The following DPYD variants were observed in gnomAD, a reference collection of about 807,000 sequenced individuals.
The protein encoded by DPYD is dihydropyrimidine dehydrogenase.
Under a neutral mutation model 116.2 loss-of-function variants are expected in DPYD, and 109 were observed. That is an observed-to-expected ratio of 0.94 (90% CI 0.80 to 1.10). The LOEUF is 1.10. DPYD is among the 50% of genes least tolerant of loss of function. The probability of loss-of-function intolerance (pLI) is 0.00; values close to 1 mark genes in which losing one functional copy is unlikely to be tolerated. For missense variants in DPYD, 1,302 were observed against 1,254.5 expected, an observed-to-expected ratio of 1.04 and a Z score of -0.57; for synonymous variants, 440 against 432.0, an observed-to-expected ratio of 1.02 and a Z score of -0.23.
At chr1:97,586,826 G>C (rs1334199113) in intron 10 of DPYD, among the ~76,000 whole-genome samples, 1 of 151,466 alleles carries the variant, frequency 6.6e-6, no homozygotes, top group Non-Finnish European at 1.5e-5. Context: ...TCACCAATTG[G>C]CTGGGGATAC....
intron 3 of DPYD, among the ~76,000 whole-genome samples, chr1:97,806,339 T>G (rs1445609627): frequency 6.6e-6 from 1 of 151,914 alleles, no homozygotes; most frequent in Non-Finnish European, 1.5e-5. Flanking sequence ...GTTCTTAATA[T>G]TCATCATACA....
chr1:97,742,345 A>G (rs1213274168), intron 3 of DPYD, among the ~76,000 whole-genome samples: 1 of 152,064 alleles, frequency 6.6e-6, no homozygotes. Flanking sequence ...CCTAATTAAT[A>G]TCTTGTTTTT....
intron 5 of DPYD, among the ~76,000 whole-genome samples, chr1:97,705,841 TG>T (rs1417611830): frequency 1.3e-5 from 2 of 151,950 alleles, no homozygotes; most frequent in East Asian, 3.9e-4. Flanking sequence ...TGGTGTGAGA[TG>T]GTATCTCATT....
intron 16 of DPYD, among the ~76,000 whole-genome samples, chr1:97,313,333 T>C (rs1018076128): frequency 1.3e-5 from 2 of 151,966 alleles, no homozygotes; most frequent in Non-Finnish European, 1.5e-5. Context: ...TTAGGTACTA[T>C]ATTGGATAAT....
intron 8 of DPYD, among the ~76,000 whole-genome samples, chr1:97,612,198 A>G (rs1348937740): frequency 6.6e-6 from 1 of 152,032 alleles, no homozygotes; most frequent in African/African-American, 2.4e-5. Context: ...AATGCAATAT[A>G]CTATTGTCTC....
At chr1:97,379,456 C>A (rs548719648) in intron 15 of DPYD, among the ~76,000 whole-genome samples, 1 of 152,260 alleles carries the variant, frequency 6.6e-6, no homozygotes, top group Non-Finnish European at 1.5e-5. Flanking sequence ...TACTTGTCAC[C>A]CAGGAATTTT....
chr1:97,743,357 T>C (rs1664371009), intron 3 of DPYD, among the ~76,000 whole-genome samples: 1 of 152,104 alleles, frequency 6.6e-6, no homozygotes. Flanking sequence ...CAGGCTGCCA[T>C]TAATCCCACT....
At chr1:97,709,371 T>A (rs556341768) in intron 5 of DPYD, among the ~76,000 whole-genome samples, 1 of 152,006 alleles carries the variant, frequency 6.6e-6, no homozygotes, top group Admixed American at 6.6e-5. Context: ...TACTTTTTAA[T>A]ATTTTTACTT....
intron 19 of DPYD, among the ~76,000 whole-genome samples, chr1:97,220,188 T>C (rs1660690274): frequency 6.6e-6 from 1 of 152,248 alleles, no homozygotes; most frequent in South Asian, 2.1e-4. Flanking sequence ...GAATGGATTA[T>C]TCCATTCACA....
chr1:97,082,284 A>G, intron 22 of DPYD, 46 bp downstream of exon 22: 1 of 1,612,220 alleles, frequency 6.2e-7, no homozygotes. Context: ...CGTAAAAACA[A>G]GAAGAAACAT....
At chr1:97,702,148 T>A (rs972810489) in intron 5 of DPYD, among the ~76,000 whole-genome samples, 1 of 151,688 alleles carries the variant, frequency 6.6e-6, no homozygotes, top group African/African-American at 2.4e-5. Context: ...GGTAGTTTTA[T>A]ATGATCATTA....
At chr1:97,111,077 G>A (rs1381589973) in intron 20 of DPYD, among the ~76,000 whole-genome samples, 2 of 151,824 alleles carry the variant, frequency 1.3e-5, no homozygotes, top group Non-Finnish European at 2.9e-5. Context: ...TCCTTTGCTG[G>A]GTAGTACATA....
chr1:97,402,249 T>C (rs984563203), intron 14 of DPYD, among the ~76,000 whole-genome samples: 1 of 152,130 alleles, frequency 6.6e-6, no homozygotes, highest in African/African-American at 2.4e-5. Flanking sequence ...TTCCTATACA[T>C]GAACATGGAA....
intron 11 of DPYD, among the ~76,000 whole-genome samples, chr1:97,561,543 T>C (rs1652144073): frequency 6.6e-6 from 1 of 152,120 alleles, no homozygotes; most frequent in African/African-American, 2.4e-5. Context: ...CAGAGTGAAA[T>C]AGAAGAGCAA....
At chr1:97,700,016 T>C (rs1019198043) in intron 5 of DPYD, among the ~76,000 whole-genome samples, 2 of 152,142 alleles carry the variant, frequency 1.3e-5, no homozygotes, top group Admixed American at 1.3e-4. Flanking sequence ...TCTTGAATTC[T>C]GCTTTTGATT....
intron 3 of DPYD, chr1:97,797,259 A>C (rs1318003284): frequency 6.6e-6 from 1 of 152,148 alleles, no homozygotes; most frequent in Non-Finnish European, 1.5e-5. Context: ...GCTTCAATGA[A>C]AAGCAGGCAT....
In DPYD at chr1:97,375,180, G is replaced by C. The variant is rs1436870612; in HGVS notation, c.1975-1536C>G. 2.0e-5 allele frequency among the ~76,000 whole-genome samples: 3 copies of C among 152,208 alleles called. No homozygotes were observed. The East Asian group carries it at 5.8e-4, about 29-fold the overall frequency. On this transcript the variant is annotated intron_variant, in intron 15 of 22. Coordinates refer to ENST00000370192, the MANE Select transcript of DPYD (RefSeq NM_000110.4). ...TAAGGCCAACTAGAAGCTTGAATTG[G>C]TTATAAGAGTATTTTAACAGGTTTA... is the stretch of plus-strand genomic sequence containing the variant.
chr1:97,230,176 A>G (rs1383757829), intron 19 of DPYD, among the ~76,000 whole-genome samples: 1 of 152,216 alleles, frequency 6.6e-6, no homozygotes, highest in Non-Finnish European at 1.5e-5. Flanking sequence ...ATAAAGACAC[A>G]TGCATATGTA....
chr1:97,674,148 G>A (rs1295579667), intron 8 of DPYD, among the ~76,000 whole-genome samples: 1 of 152,158 alleles, frequency 6.6e-6, no homozygotes, highest in African/African-American at 2.4e-5. Flanking sequence ...GACTGGTTGA[G>A]GCCATAGCAG....
Sources: allele counts gnomAD v4.1 joint callset (sites outside exome capture counted in the v4.1 genomes callset), GRCh38; gene constraint gnomAD v4.1.1; transcripts MANE v1.5; gene names NCBI Gene and HGNC (gene_info 2026-07-23, HGNC 2026-07-21).